The following ITM2B variants were observed in gnomAD, a reference collection of about 807,000 sequenced individuals.
ITM2B encodes ABri/ADan amyloid peptide.
In ITM2B, 11 loss-of-function variants were observed where a neutral mutation model predicts 27.8. The ratio of observed to expected loss-of-function variants is 0.40; its 90% CI spans 0.25 to 0.66. ITM2B has a LOEUF of 0.66. Ranked by LOEUF, ITM2B falls within the 30% of genes least tolerant of loss-of-function variation. The pLI is 0.43. For synonymous variants in ITM2B, 114 were observed against 114.3 expected (o/e 1.00, Z 0.02); for missense variants, 296 against 328.9 (o/e 0.90, Z 0.77).
At chr13:48,248,085 T>G (rs764694638) in intron 1 of ITM2B, among the ~76,000 whole-genome samples, 7 of 152,104 alleles carry the variant, frequency 4.6e-5, no homozygotes, top group Non-Finnish European at 8.8e-5. Context: ...TTGTTAGTGG[T>G]TTTTTTCTTT....
intron 1 of ITM2B, among the ~76,000 whole-genome samples, chr13:48,240,390 A>C (rs1951693088): frequency 1.3e-5 from 2 of 152,144 alleles, no homozygotes; most frequent in Non-Finnish European, 2.9e-5. Flanking sequence ...TATTTTTAAT[A>C]GAGACGGGGT....
chr13:48,243,826 T>A (rs989651867), intron 1 of ITM2B, among the ~76,000 whole-genome samples: 2 of 149,142 alleles, frequency 1.3e-5, no homozygotes, highest in Admixed American at 6.6e-5. Flanking sequence ...CAAAAAAAAA[T>A]TAATTAATTA....
intron 1 of ITM2B, among the ~76,000 whole-genome samples, chr13:48,241,272 C>T (rs536975014): frequency 1.3e-5 from 2 of 152,286 alleles, no homozygotes; most frequent in South Asian, 2.1e-4. Flanking sequence ...AGTGCAGTGG[C>T]ATGATCTCGG....
intron 3 of ITM2B, among the ~76,000 whole-genome samples, chr13:48,256,974 C>T (rs1030601283): frequency 5.3e-5 from 8 of 152,122 alleles, no homozygotes; most frequent in Non-Finnish European, 1.0e-4. Context: ...AGTAGTCCCC[C>T]CTTATCCGTG....
intron 1 of ITM2B, among the ~76,000 whole-genome samples, chr13:48,242,367 A>G (rs996297195): frequency 4.0e-5 from 6 of 151,786 alleles, no homozygotes; most frequent in South Asian, 2.1e-4. Context: ...TGTGTCTTCA[A>G]ACTCACCAGG....
intron 5 of ITM2B, among the ~76,000 whole-genome samples, chr13:48,260,659 A>G (rs927602820): frequency 6.6e-6 from 1 of 152,148 alleles, no homozygotes; most frequent in Non-Finnish European, 1.5e-5. Flanking sequence ...TTCATTTATG[A>G]TAATGGCCTC....
intron 5 of ITM2B, 36 bp from the exon 6 acceptor site, chr13:48,261,103 T>G: frequency 7.5e-7 from 1 of 1,338,008 alleles, no homozygotes; most frequent in East Asian, 2.3e-5. Flanking sequence ...TATTAAAGAA[T>G]CAAAATTTTA....
chr13:48,253,466 C>T (rs550387511), intron 1 of ITM2B, among the ~76,000 whole-genome samples: 1 of 152,256 alleles, frequency 6.6e-6, no homozygotes, highest in Non-Finnish European at 1.5e-5. Context: ...TGTAGCATAA[C>T]CTCTTCTAAA....
intron 1 of ITM2B, 48 bp downstream of exon 1, chr13:48,233,525 G>A (rs376066987): frequency 4.0e-5 from 53 of 1,340,262 alleles, no homozygotes; most frequent in Non-Finnish European, 5.2e-5. Context: ...CCCGGCCGGG[G>A]AGGGCTGCGC....
rs1951841808 is a variant in ITM2B at position 48,264,573 on chromosome 13, A to G, written c.*3349A>G. On this transcript the variant is annotated 3_prime_UTR_variant, in exon 6 of 6. Coordinates refer to ENST00000647800, the MANE Select transcript of ITM2B (RefSeq NM_021999.5). ...CTAGACATCTTCTCTTCCACCTAGC[A>G]AAGAGTTTGTTGCCCAGAGTTATAT... The G allele has an allele frequency of 6.6e-6, 1 of 152,220 alleles. No homozygotes were observed. Among genetic ancestry groups the G allele is most frequent in the South Asian group, 2.1e-4 (1 of 4,836 alleles). 9.4% of individuals were successfully genotyped at this position (152,220 alleles called of 1,614,324 possible). A position where few individuals can be genotyped will look rare whatever the true frequency, so the allele number is the denominator to read the frequency against.
chr13:48,256,043 T>C, intron 2 of ITM2B, 134 bp from the exon 3 acceptor site: 1 of 698,330 alleles, frequency 1.4e-6, no homozygotes, highest in South Asian at 1.6e-5. Context: ...GTAATTAAAC[T>C]GTCTGACTTG....
chr13:48,268,796 A>G lies in ITM2B; in HGVS notation c.*7572A>G, dbSNP rs1401432984. On this transcript the variant is annotated 3_prime_UTR_variant, in exon 6 of 6. Coordinates refer to ENST00000647800, the MANE Select transcript of ITM2B (RefSeq NM_021999.5). ...TTGCAAAATCATCTTTATTGTAAAC[A>G]TATCTTTTTGAGGGTAGATTGGTAA... 8 of 152,236 alleles carry G rather than the reference A, an allele frequency of 5.3e-5. No homozygotes were observed. The highest frequency in any genetic ancestry group is 6.5e-5 in the Admixed American group (1 of 15,274). 9.4% of individuals were successfully genotyped at this position (152,236 alleles called of 1,614,324 possible).
intron 1 of ITM2B, among the ~76,000 whole-genome samples, chr13:48,250,701 C>G (rs1480469848): frequency 6.6e-6 from 1 of 151,798 alleles, no homozygotes; most frequent in Non-Finnish European, 1.5e-5. Flanking sequence ...TGGCTTGGAG[C>G]TACCAGTAAT....
At chr13:48,253,106 A>G (rs80233473) in intron 1 of ITM2B, among the ~76,000 whole-genome samples, 5,609 of 152,284 alleles carry the variant, frequency 0.037, 142 homozygotes, top group Middle Eastern at 0.075. Flanking sequence ...TTATCATTGA[A>G]TATGTTCTCA....
At position 48,269,251 on chromosome 13, in the gene ITM2B, T is replaced by TA. The variant is rs1951870581; in HGVS notation, c.*8028dup. 1 of 152,138 alleles carries TA rather than the reference T, an allele frequency of 6.6e-6. No homozygotes were observed. 9.4% of individuals were successfully genotyped at this position (152,138 alleles called of 1,614,324 possible). ...TGTGCTCTACCTTCAAGATACGGAT[T>TA]ATCCAGAATTCAGCCGCTTCTCACT... On this transcript the variant is annotated 3_prime_UTR_variant, in exon 6 of 6. Coordinates refer to ENST00000647800, the MANE Select transcript of ITM2B (RefSeq NM_021999.5).
intron 1 of ITM2B, 139 bp from the exon 2 acceptor site, chr13:48,253,669 G>T (rs9332275): frequency 2.4e-6 from 2 of 849,438 alleles, no homozygotes; most frequent in Non-Finnish European, 3.9e-6. Context: ...TTCCTGGGTT[G>T]ATTTTGATGA....
intron 2 of ITM2B, among the ~76,000 whole-genome samples, chr13:48,254,420 A>G (rs893072697): frequency 2.6e-5 from 4 of 152,192 alleles, no homozygotes; most frequent in Non-Finnish European, 4.4e-5. Flanking sequence ...GAACTGGGTG[A>G]CTTCAGCAGT....
chr13:48,261,388 AT>A lies in ITM2B; in HGVS notation c.*171del. 2 of 579,232 alleles carry A rather than the reference AT, an allele frequency of 3.5e-6. No individual in the cohort carries two copies. The highest frequency in any genetic ancestry group is 3.0e-5 in the East Asian group (1 of 33,312). The allele number at this position is 579,232 out of a possible 1,614,324, so 35.9% of individuals were successfully genotyped here. On this transcript the variant is annotated 3_prime_UTR_variant, in exon 6 of 6. Coordinates refer to ENST00000647800, the MANE Select transcript of ITM2B (RefSeq NM_021999.5). ...ATTCAATTAAAACCATTACCTTAAA[AT>A]TTTTTTCTTTCGAAGTGTGGTGTCT...
chr13:48,250,448 C>T (rs1951748709), intron 1 of ITM2B, among the ~76,000 whole-genome samples: 1 of 152,016 alleles, frequency 6.6e-6, no homozygotes. Flanking sequence ...GAAACCCTGT[C>T]TCTACTAAAA....
Sources: gnomAD v4.1 joint callset for allele counts (sites outside exome capture counted in the v4.1 genomes callset) on GRCh38, gnomAD v4.1.1 for gene constraint, MANE v1.5 for transcripts, NCBI Gene and HGNC (gene_info 2026-07-23, HGNC 2026-07-21) for gene names.